Variants in UNC13A observed in about 807,000 individuals in gnomAD.
UNC13A encodes unc-13 homolog A.
Under a neutral mutation model 219.7 loss-of-function variants are expected in UNC13A, and 61 were observed. The ratio of observed to expected loss-of-function variants is 0.28; its 90% confidence interval spans 0.23 to 0.34. The LOEUF (loss-of-function observed/expected upper bound fraction) is 0.34, where lower values mean the gene tolerates loss of function less well. Among genes scored for constraint, UNC13A ranks in the 10% least tolerant of loss-of-function variants. UNC13A has a pLI of 1.00. For missense variants in UNC13A, 1,476 were observed against 2,270.3 expected, an observed-to-expected ratio of 0.65 and a Z score of 7.11; for synonymous variants, 920 against 884.6, an observed-to-expected ratio of 1.04 and a Z score of -0.71.
Position 17,645,738 on chromosome 19 carries a change from G to A in UNC13A, c.2292C>T (p.Phe764=). 6.2e-7 allele frequency: 1 copy of A among 1,614,200 alleles called. No individual in the cohort carries two copies. The highest frequency in any genetic ancestry group is 1.1e-5 in the South Asian group (1 of 91,092). ...KQRFKRESDD[F]LGQTIIEVRT... is the part of the protein sequence containing the mutation. ...GCACCTCAATGATCGTCTGCCCCAG[G>A]AAATCGTCAGATTCCCTCTTGAACC... The change falls in exon 19 of 44, where the codon TTC becomes TTT. Residue 764 remains phenylalanine, a synonymous_variant. Transcript: ENST00000519716.
chr19:17,618,628 C>A (rs749463095), intron 39 of UNC13A, 127 bp from the exon 40 acceptor site: 9 of 962,240 alleles, frequency 9.4e-6, no homozygotes, highest in Non-Finnish European at 1.4e-5. Context: ...ATCATCCCAG[C>A]ACCCAATATG....
intron 30 of UNC13A, 46 bp downstream of exon 30, chr19:17,630,099 A>G (rs1222831448): frequency 1.3e-6 from 2 of 1,544,246 alleles, no homozygotes; most frequent in Admixed American, 2.0e-5. Flanking sequence ...CAATTCCCTA[A>G]CCCTGACCCT....
At position 17,686,916 on chromosome 19, in the gene UNC13A, C is replaced by T. The variant is rs1056087198; in HGVS notation, c.22+1262G>A. ...GCAGCAGGAGTTCAGCACACGCACG[C>T]TTCCTGTCGCCCGAGGTCTCCCGAA... On this transcript the variant is annotated intron_variant, in intron 1 of 43. Transcript: ENST00000519716. Among the ~76,000 whole-genome samples, 4 of 152,184 alleles carry T rather than the reference C, an allele frequency of 2.6e-5. No individual in the cohort carries two copies. The East Asian group carries it at 5.8e-4, about 22-fold the overall frequency.
chr19:17,657,509 G>A (rs993217803), intron 9 of UNC13A, among the ~76,000 whole-genome samples: 4 of 152,124 alleles, frequency 2.6e-5, no homozygotes, highest in African/African-American at 9.7e-5. Flanking sequence ...ACAGGCAGGG[G>A]GACATAGGGG....
chr19:17,610,381 G>T (rs1424200896), intron 42 of UNC13A, among the ~76,000 whole-genome samples: 1 of 152,160 alleles, frequency 6.6e-6, no homozygotes, highest in Non-Finnish European at 1.5e-5. Flanking sequence ...CAGGAGGATT[G>T]CTTGAGCCTG....
intron 34 of UNC13A, chr19:17,626,374 G>C: frequency 4.7e-6 from 2 of 421,480 alleles, no homozygotes; most frequent in Admixed American, 4.1e-5. Flanking sequence ...TAATCCATGC[G>C]TCCACCCACC....
intron 1 of UNC13A, among the ~76,000 whole-genome samples, chr19:17,680,195 G>T (rs1355343106): frequency 3.3e-5 from 5 of 151,824 alleles, no homozygotes; most frequent in African/African-American, 9.7e-5. Flanking sequence ...GAGGAAGGGG[G>T]CTCAGAGAAG....
At chr19:17,672,085 G>T (rs1680111850) in intron 4 of UNC13A, among the ~76,000 whole-genome samples, 1 of 152,048 alleles carries the variant, frequency 6.6e-6, no homozygotes, top group Admixed American at 6.6e-5. Context: ...AGATGTGCAT[G>T]AACCACCCCC....
intron 34 of UNC13A, 62 bp from the exon 35 acceptor site, chr19:17,625,014 C>A: frequency 1.3e-6 from 2 of 1,577,770 alleles, no homozygotes; most frequent in Non-Finnish European, 1.7e-6. Context: ...GATCACCTTC[C>A]CTTAACAGGT....
In UNC13A at chr19:17,666,131, T is replaced by TC. The variant is rs1568267638; in HGVS notation, c.523+518_523+519insG. Among the ~76,000 whole-genome samples, 538 of 118,860 alleles carry TC rather than the reference T, an allele frequency of 4.5e-3. 3 individuals carry two copies. Among genetic ancestry groups the TC allele is most frequent in the African/African-American group, 0.011 (331 of 29,174 alleles). The allele number at this position is 118,860 out of a possible 152,430, so 78.0% of individuals were successfully genotyped here. On this transcript the variant is annotated intron_variant, in intron 7 of 43. Transcript: ENST00000519716. ...TTTCTTTTCTCTTTTCTTTTCTTTCTTTTTCTTTCTTTCTTTCCTCTCCTC... is the reference window on the plus strand; with the variant it reads ...TTTCTTTTCTCTTTTCTTTTCTTTCTCTTTTCTTTCTTTCTTTCCTCTCCTC...
Position 17,639,542 on chromosome 19 carries a change from G to C in UNC13A, c.2857-17C>G. ...GAAGTTATTCTGTTGGGAGCAGGAA[G>C]AGATGTGGGGTTATGGAAGAAGGCG... On this transcript the variant is annotated splice_polypyrimidine_tract_variant and intron_variant, in intron 23 of 43. Transcript: ENST00000519716. 6.2e-7 allele frequency: 1 copy of C among 1,610,580 alleles called. No homozygotes were observed. Among genetic ancestry groups the C allele is most frequent in the South Asian group, 1.1e-5 (1 of 90,520 alleles).
At chr19:17,686,951 C>T (rs115670837) in intron 1 of UNC13A, among the ~76,000 whole-genome samples, 1,878 of 152,254 alleles carry the variant, frequency 0.012, 37 homozygotes, top group African/African-American at 0.043. Flanking sequence ...AGCCTGCAGT[C>T]TCAGGCTTGG....
chr19:17,639,740 C>T (rs568722272), intron 23 of UNC13A, 100 bp downstream of exon 23: 22 of 1,379,220 alleles, frequency 1.6e-5, no homozygotes, highest in Admixed American at 8.7e-5. Flanking sequence ...ATCGTACATG[C>T]GAAGATGGGT....
rs989653420 is a variant in UNC13A at position 17,664,580 on chromosome 19, C to G, written c.524-1013G>C. ...TCCCAAAATGAACCTGCCCCTAGCTCTAGTCCATCTGCCCAGGGGCTCTCT... is the reference window on the plus strand; with the variant it reads ...TCCCAAAATGAACCTGCCCCTAGCTGTAGTCCATCTGCCCAGGGGCTCTCT... On this transcript the variant is annotated intron_variant, in intron 7 of 43. Coordinates refer to ENST00000519716, the MANE Select transcript of UNC13A (RefSeq NM_001080421.3). Among the ~76,000 whole-genome samples the G allele has an allele frequency of 2.0e-5, 3 of 152,300 alleles. No homozygotes were observed. The South Asian group carries it at 6.2e-4, about 32-fold the overall frequency.
Position 17,680,968 on chromosome 19 carries a change from T to C in UNC13A, c.23-4927A>G, listed in dbSNP as rs1273232901. Among the ~76,000 whole-genome samples the C allele has an allele frequency of 2.1e-5, 3 of 139,558 alleles. No homozygotes were observed. In the East Asian group the frequency reaches 6.4e-4, roughly 30 times the overall value. The allele number at this position is 139,558 out of a possible 152,430, so 91.6% of individuals were successfully genotyped here. A position where few individuals can be genotyped will look rare whatever the true frequency, so the allele number is the denominator to read the frequency against. ...AGGCTGGAGGGCAGTGGTGTGATCA[T>C]GGCTCACTGCAGCCTCGATCTCCCA... On this transcript the variant is annotated intron_variant, in intron 1 of 43. Transcript: ENST00000519716.
chr19:17,622,364 A>T (rs1187660986), intron 36 of UNC13A: 1 of 156,230 alleles, frequency 6.4e-6, no homozygotes, highest in Non-Finnish European at 1.4e-5. Context: ...TATCCACCTC[A>T]CTCAAAGGGT....
At position 17,618,456 on chromosome 19, in the gene UNC13A, A is replaced by G. The variant is rs2076692217; in HGVS notation, c.4375T>C (p.Cys1459Arg). ...TCCAGGGCCAACTCAACAACCGCGC[A>G]CTGCTTTGGGGTCAAGCTCTTGGCT... The part of the protein sequence containing the change: ...EEAKSLTPKQ[C>R]AVVELALDTI... The change falls in exon 40 of 44, where the codon TGC (cysteine) becomes CGC (arginine). Residue 1459 changes from cysteine to arginine, a missense_variant. Physicochemically the swap from Cys to Arg is radical, Grantham distance 180. Coordinates refer to ENST00000519716, the MANE Select transcript of UNC13A (RefSeq NM_001080421.3). The G allele has an allele frequency of 6.3e-7, 1 of 1,592,502 alleles. No homozygotes were observed. Among genetic ancestry groups the G allele is most frequent in the Admixed American group, 1.8e-5 (1 of 56,272 alleles).
intron 5 of UNC13A, 143 bp downstream of exon 5, chr19:17,669,406 ACTCT>A: frequency 1.6e-6 from 2 of 1,213,032 alleles, no homozygotes; most frequent in South Asian, 1.8e-5. Context: ...AACCCAAGAA[ACTCT>A]CTCTCCTCCG....
At chr19:17,644,524 T>G (rs968886791) in intron 19 of UNC13A, among the ~76,000 whole-genome samples, 4 of 15,646 alleles carry the variant, frequency 2.6e-4, no homozygotes, top group African/African-American at 2.6e-3. Flanking sequence ...TTTTCTTTTG[T>G]TTTTTTTTTT....
Sources: allele counts gnomAD v4.1 joint callset (sites outside exome capture counted in the v4.1 genomes callset), GRCh38; gene constraint gnomAD v4.1.1; transcripts MANE v1.5; gene names NCBI Gene and HGNC (gene_info 2026-07-23, HGNC 2026-07-21).